The following DGKH variants were observed in gnomAD, a reference collection of about 807,000 sequenced individuals.
The protein encoded by DGKH is DAG kinase eta.
Under a neutral mutation model 159.3 loss-of-function variants are expected in DGKH, and 90 were observed. That is an observed-to-expected ratio of 0.57 (90% CI 0.48 to 0.67). The LOEUF (loss-of-function observed/expected upper bound fraction) is 0.67. Among genes scored for constraint, DGKH ranks in the 30% least tolerant of loss-of-function variants. The probability of loss-of-function intolerance (pLI) is 0.00; values close to 1 mark genes in which losing one functional copy is unlikely to be tolerated. For synonymous variants in DGKH, 536 were observed against 553.8 expected (o/e 0.97, Z 0.45); for missense variants, 1,181 against 1,506.1 (o/e 0.78, Z 3.57).
intron 12 of DGKH, 70 bp downstream of exon 12, chr13:42,174,214 G>A (rs1055965654): frequency 1.5e-5 from 19 of 1,286,506 alleles, no homozygotes; most frequent in Admixed American, 3.9e-5. Flanking sequence ...AAGAAAGAGA[G>A]AGAAAATGTA....
chr13:42,168,381 G>A, intron 9 of DGKH, 59 bp from the exon 10 acceptor site: 2 of 1,422,242 alleles, frequency 1.4e-6, no homozygotes, highest in South Asian at 1.2e-5. Context: ...GAATAACAAA[G>A]AATTGAGGAA....
intron 1 of DGKH, among the ~76,000 whole-genome samples, chr13:42,087,760 T>G (rs1381557691): frequency 1.3e-5 from 2 of 151,792 alleles, no homozygotes; most frequent in Admixed American, 6.6e-5. Flanking sequence ...TTTTTTTTTT[T>G]TTGCAATGAG....
At chr13:42,172,553 A>G (rs1010209653) in intron 11 of DGKH, among the ~76,000 whole-genome samples, 1 of 152,198 alleles carries the variant, frequency 6.6e-6, no homozygotes, top group African/African-American at 2.4e-5. Context: ...CTGTTTAAAT[A>G]TTGATCTTGG....
At chr13:42,053,538 ATATATATAAC>A (rs1881504367) in intron 1 of DGKH, among the ~76,000 whole-genome samples, 1 of 59,486 alleles carries the variant, frequency 1.7e-5, no homozygotes, top group Non-Finnish European at 3.6e-5. Flanking sequence ...CTATATATGT[ATATATATAAC>A]TATATATGTA....
chr13:42,191,761 A>C (rs1013715709), intron 16 of DGKH, among the ~76,000 whole-genome samples: 1 of 152,220 alleles, frequency 6.6e-6, no homozygotes, highest in African/African-American at 2.4e-5. Flanking sequence ...AATTTATTCC[A>C]GCTTTCATAT....
rs1958484827 is a variant in DGKH, at chr13:42,239,865, C to T, written c.*10677C>T. ...TCCTCACCAACCTTCCCTCTGTTGACTTTTGTAATCCAGGAATTTGGAACT... is the reference window on the plus strand; with the variant it reads ...TCCTCACCAACCTTCCCTCTGTTGATTTTTGTAATCCAGGAATTTGGAACT... On this transcript the variant is annotated 3_prime_UTR_variant, in exon 30 of 30. Transcript: ENST00000337343. The T allele has an allele frequency of 6.6e-6, 1 of 152,176 alleles. No homozygotes were observed. The highest frequency in any genetic ancestry group is 1.5e-5 in the Non-Finnish European group (1 of 68,036). 9.4% of individuals were successfully genotyped at this position (152,176 alleles called of 1,614,324 possible).
chr13:42,221,394 G>A lies in DGKH; in HGVS notation c.3573G>A (p.Lys1191=). The A allele has an allele frequency of 3.7e-6, 6 of 1,613,138 alleles. No individual in the cohort carries two copies. Among genetic ancestry groups the A allele is most frequent in the Non-Finnish European group, 5.1e-6 (6 of 1,179,374 alleles). ...ELLHLERRDL[K]DLGIPKVGHV... is the part of the protein sequence containing the mutation. The stretch of plus-strand genomic sequence containing the variant: ...TGCATCTGGAAAGGCGAGATCTTAA[G>A]GTATTTCCTTTGTGCTCTTCTGTTC... The change falls in exon 29 of 30, where the codon AAG becomes AAA. Residue 1191 remains lysine (K), a splice_region_variant and synonymous_variant. Coordinates refer to ENST00000337343, the MANE Select transcript of DGKH (RefSeq NM_178009.5).
intron 12 of DGKH, among the ~76,000 whole-genome samples, chr13:42,177,705 T>G (rs988144254): frequency 2.0e-5 from 3 of 152,208 alleles, no homozygotes; most frequent in African/African-American, 7.2e-5. Context: ...TGCATGGTGG[T>G]ACTGCATTGT....
exon 31 of DGKH, chr13:42,256,473 A>G (rs796369313): frequency 3.0e-6 from 4 of 1,317,670 alleles, no homozygotes; most frequent in African/African-American, 2.9e-5. Flanking sequence ...GAACTTGGCT[A>G]TCTCACACCA....
chr13:42,151,505 G>GTGAAACTACATA (rs1955884905), intron 3 of DGKH, among the ~76,000 whole-genome samples: 1 of 79,222 alleles, frequency 1.3e-5, no homozygotes, highest in Non-Finnish European at 2.5e-5. Flanking sequence ...GTGTGTGTGT[G>GTGAAACTACATA]TATACACATG....
chr13:42,163,724 G>A (rs1227125043), intron 7 of DGKH, among the ~76,000 whole-genome samples: 1 of 151,564 alleles, frequency 6.6e-6, no homozygotes, highest in East Asian at 1.9e-4. Context: ...TTTTTTTCTT[G>A]TAAATTTGTT....
In DGKH at chr13:42,087,910, A is replaced by G. The variant is rs147465548; in HGVS notation, c.192+38945A>G. On this transcript the variant is annotated intron_variant, in intron 1 of 29. Coordinates refer to ENST00000337343, the MANE Select transcript of DGKH (RefSeq NM_178009.5). ...TGAAAATTATAAATTCACAAAATCCAAGAAGCTCCATCAGCTTCAATCAGA... is the reference window on the plus strand; with the variant it reads ...TGAAAATTATAAATTCACAAAATCCGAGAAGCTCCATCAGCTTCAATCAGA... Among the ~76,000 whole-genome samples, 13 of 152,258 alleles carry G rather than the reference A, an allele frequency of 8.5e-5. No homozygotes were observed. The East Asian group carries it at 1.7e-3, about 20-fold the overall frequency.
At chr13:42,140,408 A>C (rs1258422856) in intron 3 of DGKH, 3 of 152,020 alleles carry the variant, frequency 2.0e-5, no homozygotes, top group African/African-American at 7.3e-5. Context: ...CCTTTTACAG[A>C]CTCCAAATAG....
intron 1 of DGKH, among the ~76,000 whole-genome samples, chr13:42,089,321 A>G (rs954388112): frequency 6.6e-6 from 1 of 152,184 alleles, no homozygotes; most frequent in African/African-American, 2.4e-5. Context: ...TTTCAAATAT[A>G]TTTCCTAAGA....
intron 3 of DGKH, among the ~76,000 whole-genome samples, chr13:42,146,732 C>T (rs1566129750): frequency 6.6e-6 from 1 of 152,174 alleles, no homozygotes; most frequent in Non-Finnish European, 1.5e-5. Context: ...TAAACCTCAA[C>T]AGAGCATATA....
intron 1 of DGKH, among the ~76,000 whole-genome samples, chr13:42,049,220 C>T (rs1454559055): frequency 1.3e-5 from 2 of 150,358 alleles, no homozygotes; most frequent in African/African-American, 4.9e-5. Flanking sequence ...CGCTGGACCG[C>T]GGTGCTGCGG....
chr13:42,073,043 G>T (rs1009026421), intron 1 of DGKH, among the ~76,000 whole-genome samples: 1 of 152,172 alleles, frequency 6.6e-6, no homozygotes, highest in African/African-American at 2.4e-5. Flanking sequence ...CCAGAACACT[G>T]CCTGTTACAT....
At chr13:42,053,366 ATATATATAAC>A (rs895351110) in intron 1 of DGKH, among the ~76,000 whole-genome samples, 22 of 147,884 alleles carry the variant, frequency 1.5e-4, no homozygotes, top group South Asian at 6.3e-4. Flanking sequence ...ATATATAACT[ATATATATAAC>A]TATATATAAC....
chr13:42,189,440 A>G, intron 15 of DGKH, 131 bp downstream of exon 15: 1 of 1,210,010 alleles, frequency 8.3e-7, no homozygotes, highest in South Asian at 1.6e-5. Context: ...TAGAAGATAC[A>G]GTCATTATAA....
Sources: allele counts gnomAD v4.1 joint callset (sites outside exome capture counted in the v4.1 genomes callset), GRCh38; gene constraint gnomAD v4.1.1; transcripts MANE v1.5; gene names NCBI Gene and HGNC (gene_info 2026-07-23, HGNC 2026-07-21).